The following EFHD1 variants were observed in gnomAD, a reference collection of about 807,000 sequenced individuals.
The protein encoded by EFHD1 is EF-hand domain-containing protein D1.
In EFHD1, 10 loss-of-function variants were observed where a neutral mutation model predicts 17.2. That is an observed-to-expected ratio of 0.58 (90% CI 0.36 to 0.99). The LOEUF is 0.99. Ranked by LOEUF, EFHD1 falls within the 50% of genes least tolerant of loss-of-function variation. The pLI is 0.01. For synonymous variants in EFHD1, 153 were observed against 142.0 expected (o/e 1.08, Z -0.55); for missense variants, 310 against 327.5 (o/e 0.95, Z 0.41).
intron 2 of EFHD1, among the ~76,000 whole-genome samples, chr2:232,664,041 C>A (rs1244506853): frequency 6.6e-6 from 1 of 152,016 alleles, no homozygotes. Flanking sequence ...ATTCTCCTGC[C>A]TCTGACTCCC....
At chr2:232,635,268 T>C (rs1486740057) in intron 1 of EFHD1, among the ~76,000 whole-genome samples, 1 of 152,262 alleles carries the variant, frequency 6.6e-6, no homozygotes, top group Non-Finnish European at 1.5e-5. Flanking sequence ...ATGGGAAGAC[T>C]GCCCTGGCCG....
chr2:232,662,295 A>G (rs1694886364), intron 1 of EFHD1, among the ~76,000 whole-genome samples: 1 of 151,962 alleles, frequency 6.6e-6, no homozygotes, highest in Non-Finnish European at 1.5e-5. Flanking sequence ...GATTCCGCAC[A>G]CAGGGGTGGG....
At chr2:232,660,642 T>C in intron 1 of EFHD1, among the ~76,000 whole-genome samples, 1 of 152,246 alleles carries the variant, frequency 6.6e-6, no homozygotes, top group South Asian at 2.1e-4. Context: ...CCCAGCCTTA[T>C]TTATTTAATT....
At position 232,672,380 on chromosome 2, in the gene EFHD1, G is replaced by A. The variant is rs1370231146; in HGVS notation, c.522G>A (p.Lys174=). The change falls in exon 3 of 4, where the codon AAG becomes AAA. Residue 174 remains lysine (K), a synonymous_variant. Transcript: ENST00000264059. ...ACAGTGGGCTGATGGCGCTGGCAAA[G>A]CTTTCTGAGATCGATGTGGCCCTGG... The part of the protein sequence containing the change: ...QEDSGLMALA[K]LSEIDVALEG... 5 of 1,614,108 alleles carry A rather than the reference G, an allele frequency of 3.1e-6. No individual in the cohort carries two copies. The South Asian group carries it at 4.4e-5, about 14-fold the overall frequency.
chr2:232,678,517 G>A (rs894109351), intron 3 of EFHD1, among the ~76,000 whole-genome samples: 8 of 152,214 alleles, frequency 5.3e-5, no homozygotes, highest in African/African-American at 1.9e-4. Context: ...GGGCGCGGTG[G>A]CTCATGCCTG....
chr2:232,647,888 C>T (rs1272534744), intron 1 of EFHD1, among the ~76,000 whole-genome samples: 4 of 152,158 alleles, frequency 2.6e-5, no homozygotes, highest in South Asian at 2.1e-4. Flanking sequence ...CCACCCACCT[C>T]GGCCTCCCTA....
chr2:232,607,486 C>G (rs142520714), intron 1 of EFHD1, among the ~76,000 whole-genome samples: 195 of 150,740 alleles, frequency 1.3e-3, no homozygotes, highest in African/African-American at 4.5e-3. Flanking sequence ...CCCAGATACT[C>G]GGGAGGCTGA....
At chr2:232,646,433 CTTCTT>C (rs1694529150) in intron 1 of EFHD1, among the ~76,000 whole-genome samples, 12 of 117,174 alleles carry the variant, frequency 1.0e-4, no homozygotes, top group African/African-American at 3.7e-4. Flanking sequence ...CTTCTCTTCT[CTTCTT>C]TTTTTTTTTT....
intron 1 of EFHD1, among the ~76,000 whole-genome samples, chr2:232,636,589 G>A (rs1694323380): frequency 6.6e-6 from 1 of 152,128 alleles, no homozygotes; most frequent in Non-Finnish European, 1.5e-5. Flanking sequence ...ACTTTGGGAG[G>A]CTGAGGCAGG....
chr2:232,606,323 C>T, intron 1 of EFHD1: 1 of 973,400 alleles, frequency 1.0e-6, no homozygotes, highest in Non-Finnish European at 1.6e-6. Context: ...CCCTGCCCCG[C>T]GCACGGTCTG....
chr2:232,636,126 G>A (rs1694314143), intron 1 of EFHD1, among the ~76,000 whole-genome samples: 1 of 152,100 alleles, frequency 6.6e-6, no homozygotes, highest in Non-Finnish European at 1.5e-5. Context: ...TGGTGGTATG[G>A]CCACAACAGC....
chr2:232,633,426 G>A (rs1694240892), upstream of EFHD1: 2 of 1,181,054 alleles, frequency 1.7e-6, no homozygotes, highest in Non-Finnish European at 2.1e-6. Context: ...GCCGCGGGGA[G>A]AGGAAGCAGG....
chr2:232,633,480 C>A, upstream of EFHD1: 1 of 1,245,780 alleles, frequency 8.0e-7, no homozygotes, highest in South Asian at 3.2e-5. Flanking sequence ...CCGGCGGCCT[C>A]CTCCCACCAG....
At chr2:232,658,025 T>C (rs528954982) in intron 1 of EFHD1, among the ~76,000 whole-genome samples, 2 of 148,762 alleles carry the variant, frequency 1.3e-5, no homozygotes, top group Non-Finnish European at 3.0e-5. Flanking sequence ...CTCAGCCTCC[T>C]GAGTAGCTGA....
Position 232,633,884 on chromosome 2 carries a change from C to G in EFHD1, c.180C>G (p.Ser60Arg), listed in dbSNP as rs751136441. The change falls in exon 1 of 4, where the codon AGC becomes AGG. Residue 60 changes from serine (S) to arginine (R), a missense_variant. Coordinates refer to ENST00000264059, the MANE Select transcript of EFHD1 (RefSeq NM_025202.4). ...ACGCGGAGCTGAGCGCCCAGCTGAG[C>G]CGGCGGCTGGACATCAACGAGGGCG... ...SADAELSAQL[S>R]RRLDINEGAA... The G allele has an allele frequency of 1.3e-5, 20 of 1,545,800 alleles. No individual in the cohort carries two copies. The highest frequency in any genetic ancestry group is 1.7e-5 in the Non-Finnish European group (20 of 1,156,586).
At chr2:232,652,523 T>C (rs750595429) in intron 1 of EFHD1, among the ~76,000 whole-genome samples, 8 of 152,110 alleles carry the variant, frequency 5.3e-5, no homozygotes, top group Non-Finnish European at 1.0e-4. Context: ...GGGCTACTAA[T>C]AACCACTTCA....
chr2:232,621,896 G>A (rs1272589117), intron 1 of EFHD1, among the ~76,000 whole-genome samples: 1 of 152,144 alleles, frequency 6.6e-6, no homozygotes, highest in East Asian at 1.9e-4. Flanking sequence ...ATGACAGAGG[G>A]CTCCTGGTTG....
chr2:232,647,910 T>C (rs1354533630), intron 1 of EFHD1, among the ~76,000 whole-genome samples: 1 of 152,138 alleles, frequency 6.6e-6, no homozygotes, highest in Non-Finnish European at 1.5e-5. Flanking sequence ...GTGCTGGGAT[T>C]ACAGGCATGA....
At chr2:232,652,601 T>C (rs1694679329) in intron 1 of EFHD1, among the ~76,000 whole-genome samples, 2 of 152,094 alleles carry the variant, frequency 1.3e-5, no homozygotes. Context: ...CAGGCAACCA[T>C]AAAGGCAGGC....
Sources: allele counts gnomAD v4.1 joint callset (sites outside exome capture counted in the v4.1 genomes callset), GRCh38; gene constraint gnomAD v4.1.1; transcripts MANE v1.5; gene names NCBI Gene and HGNC (gene_info 2026-07-23, HGNC 2026-07-21).